The following DLGAP1 variants were observed in gnomAD, a reference collection of about 807,000 sequenced individuals.
The protein encoded by DLGAP1 is DLG associated protein 1.
In DLGAP1, 11 loss-of-function variants were observed where a neutral mutation model predicts 90.8. That is an observed-to-expected ratio of 0.12 (90% CI 0.08 to 0.20). The LOEUF is 0.20. DLGAP1 is among the 10% of genes least tolerant of loss of function. The pLI is 1.00. For synonymous variants in DLGAP1, 558 were observed against 540.7 expected (o/e 1.03, Z -0.44); for missense variants, 1,050 against 1,333.8 (o/e 0.79, Z 3.31).
At chr18:3,985,521 CTTT>C (rs35320019) in intron 3 of DLGAP1, among the ~76,000 whole-genome samples, 112 of 145,694 alleles carry the variant, frequency 7.7e-4, no homozygotes, top group East Asian at 1.2e-3. Context: ...CTTCGACTTA[CTTT>C]TTTTTTTTTT....
chr18:3,588,957 G>T (rs7236031), intron 7 of DLGAP1, among the ~76,000 whole-genome samples: 5,397 of 152,196 alleles, frequency 0.035, 149 homozygotes, highest in African/African-American at 0.07. Context: ...CCAAGGCAGG[G>T]GATAATTTGA....
At chr18:3,608,528 T>A (rs1187424010) in intron 7 of DLGAP1, among the ~76,000 whole-genome samples, 1 of 152,206 alleles carries the variant, frequency 6.6e-6, no homozygotes, top group Non-Finnish European at 1.5e-5. Context: ...GGCTTGGCAC[T>A]TATGCAGTGA....
chr18:4,291,751 A>G (rs369048063), intron 1 of DLGAP1, among the ~76,000 whole-genome samples: 38 of 152,312 alleles, frequency 2.5e-4, no homozygotes, highest in African/African-American at 8.7e-4. Flanking sequence ...AAGGAAGCCT[A>G]TGGTCTACTA....
chr18:4,367,573 T>C (rs1461160643), intron 1 of DLGAP1, among the ~76,000 whole-genome samples: 1 of 152,120 alleles, frequency 6.6e-6, no homozygotes, highest in African/African-American at 2.4e-5. Context: ...CATTCAGAAA[T>C]AGTAAAGCAG....
At chr18:4,053,509 C>A (rs1239747323) in intron 2 of DLGAP1, among the ~76,000 whole-genome samples, 1 of 152,136 alleles carries the variant, frequency 6.6e-6, no homozygotes, top group Non-Finnish European at 1.5e-5. Context: ...GGGGACACAG[C>A]CAAAGAGTAT....
At chr18:4,431,455 T>C (rs1254651014) in intron 1 of DLGAP1, among the ~76,000 whole-genome samples, 2 of 152,162 alleles carry the variant, frequency 1.3e-5, no homozygotes, top group Non-Finnish European at 2.9e-5. Context: ...TGTACTGAAA[T>C]GAAAATATCC....
At chr18:3,816,680 T>C (rs911165122) in intron 4 of DLGAP1, among the ~76,000 whole-genome samples, 4 of 152,208 alleles carry the variant, frequency 2.6e-5, no homozygotes, top group African/African-American at 9.7e-5. Context: ...AGGGGTGGTA[T>C]TATTATTATT....
At chr18:3,907,667 T>G (rs533246589) in intron 3 of DLGAP1, among the ~76,000 whole-genome samples, 1 of 152,224 alleles carries the variant, frequency 6.6e-6, no homozygotes, top group African/African-American at 2.4e-5. Context: ...TGGGTGGGCA[T>G]GGAGGACACA....
At chr18:4,182,316 T>TCA (rs889831734) in intron 1 of DLGAP1, among the ~76,000 whole-genome samples, 1 of 151,998 alleles carries the variant, frequency 6.6e-6, no homozygotes, top group Non-Finnish European at 1.5e-5. Flanking sequence ...AAAAGCTATT[T>TCA]CACCTCCCCT....
chr18:3,653,134 T>C lies in DLGAP1; in HGVS notation c.1592-70886A>G, dbSNP rs1249003263. ...CTGGTGAAAATATGTAGACCTAACA[T>C]CTATCTCCCTGCTCCAGTTTCAAGA... is the stretch of plus-strand genomic sequence containing the variant. On this transcript the variant is annotated intron_variant, in intron 7 of 12. Transcript: ENST00000315677. The surrounding 1 kb of genome is among the most constrained non-coding windows in gnomAD (Gnocchi z 4.6). 2.0e-5 allele frequency among the ~76,000 whole-genome samples: 3 copies of C among 152,170 alleles called. No homozygotes were observed. Among genetic ancestry groups the C allele is most frequent in the African/African-American group, 7.2e-5 (3 of 41,444 alleles).
At chr18:3,741,097 C>A (rs1568048331) in intron 6 of DLGAP1, among the ~76,000 whole-genome samples, 2 of 130,662 alleles carry the variant, frequency 1.5e-5, no homozygotes, top group Admixed American at 7.5e-5. Context: ...ATCACCACCA[C>A]CACCATCACC....
At chr18:3,944,076 T>G (rs1447574464) in intron 3 of DLGAP1, among the ~76,000 whole-genome samples, 3 of 152,206 alleles carry the variant, frequency 2.0e-5, no homozygotes, top group African/African-American at 7.2e-5. Flanking sequence ...ATGATTCCAG[T>G]CTCTCGTGCA....
chr18:4,119,257 A>C (rs564439052), intron 2 of DLGAP1, among the ~76,000 whole-genome samples: 1 of 151,804 alleles, frequency 6.6e-6, no homozygotes, highest in Admixed American at 6.6e-5. Context: ...ATGTCTGGTT[A>C]ATTTTCCTTT....
intron 7 of DLGAP1, among the ~76,000 whole-genome samples, chr18:3,716,160 TA>T (rs1206386921): frequency 6.6e-6 from 1 of 152,196 alleles, no homozygotes; most frequent in Non-Finnish European, 1.5e-5. Context: ...AAAACTAATA[TA>T]AAAAAGGTGA....
At chr18:4,077,177 T>G (rs920824706) in intron 2 of DLGAP1, among the ~76,000 whole-genome samples, 8 of 152,200 alleles carry the variant, frequency 5.3e-5, no homozygotes, top group Non-Finnish European at 1.2e-4. Flanking sequence ...TATAAATACA[T>G]TAAGGAAAGG....
intron 1 of DLGAP1, among the ~76,000 whole-genome samples, chr18:4,350,586 C>T (rs981548588): frequency 1.3e-5 from 2 of 152,054 alleles, no homozygotes; most frequent in Non-Finnish European, 1.5e-5. Flanking sequence ...TTCCGTTCAC[C>T]AATATTGCCA....
intron 10 of DLGAP1, among the ~76,000 whole-genome samples, chr18:3,523,428 C>T (rs996555401): frequency 8.6e-5 from 13 of 151,620 alleles, no homozygotes; most frequent in Admixed American, 3.9e-4. Flanking sequence ...TCCTACAACC[C>T]GGGAAAAAAT....
intron 1 of DLGAP1, among the ~76,000 whole-genome samples, chr18:4,273,593 C>A (rs1373875826): frequency 6.6e-6 from 1 of 152,172 alleles, no homozygotes; most frequent in Non-Finnish European, 1.5e-5. Context: ...CAGGTGGACG[C>A]CAAAATGCCT....
intron 1 of DLGAP1, among the ~76,000 whole-genome samples, chr18:4,405,853 T>C (rs1156740844): frequency 1.3e-5 from 2 of 152,136 alleles, no homozygotes; most frequent in Non-Finnish European, 2.9e-5. Flanking sequence ...GTTGTCCAAG[T>C]TCTTTGCGTT....
Sources: allele counts gnomAD v4.1 joint callset (sites outside exome capture counted in the v4.1 genomes callset), GRCh38; gene constraint gnomAD v4.1.1; non-coding constraint Gnocchi (gnomAD v3.1); transcripts MANE v1.5; gene names NCBI Gene and HGNC (gene_info 2026-07-23, HGNC 2026-07-21).